GLIS1: variants seen among roughly 807,000 people sequenced by gnomAD.
GLIS1 encodes the protein zinc finger protein GLIS1.
GLIS1 carries 24 observed loss-of-function variants against 63.8 expected under a neutral mutation model. That is an observed-to-expected ratio of 0.38 (90% CI 0.27 to 0.53). The LOEUF (loss-of-function observed/expected upper bound fraction) is 0.53. Ranked by LOEUF, GLIS1 falls within the 20% of genes least tolerant of loss-of-function variation. The probability of loss-of-function intolerance (pLI) is 0.85; values close to 1 mark genes in which losing one functional copy is unlikely to be tolerated. For missense variants in GLIS1, 1,036 were observed against 1,074.1 expected (o/e 0.96, Z 0.50); for synonymous variants, 450 against 482.5 (o/e 0.93, Z 0.88).
intron 2 of GLIS1, among the ~76,000 whole-genome samples, chr1:53,686,184 T>C (rs1186815370): frequency 1.3e-5 from 2 of 152,132 alleles, no homozygotes; most frequent in Admixed American, 1.3e-4. Flanking sequence ...GGAGCGGAGC[T>C]ATGACTGCCC....
intron 2 of GLIS1, among the ~76,000 whole-genome samples, chr1:53,613,629 A>G (rs1376785978): frequency 4.5e-5 from 6 of 133,360 alleles, no homozygotes; most frequent in African/African-American, 1.7e-4. Context: ...GTTATTATGT[A>G]ATTTAAAAAT....
At chr1:53,627,385 C>A (rs1251488100) in intron 2 of GLIS1, among the ~76,000 whole-genome samples, 2 of 152,182 alleles carry the variant, frequency 1.3e-5, no homozygotes, top group African/African-American at 2.4e-5. Context: ...GTTATCTGCG[C>A]TTGTGGAGAT....
intron 2 of GLIS1, among the ~76,000 whole-genome samples, chr1:53,610,003 AACC>A (rs1307929586): frequency 6.6e-6 from 1 of 152,258 alleles, no homozygotes; most frequent in Non-Finnish European, 1.5e-5. Flanking sequence ...CATCTTATAG[AACC>A]ACCATTGTAT....
chr1:53,608,899 C>T (rs952998920), intron 2 of GLIS1, among the ~76,000 whole-genome samples: 3 of 152,148 alleles, frequency 2.0e-5, no homozygotes, highest in Admixed American at 2.0e-4. Flanking sequence ...GACTCTGCCC[C>T]CCTGCATGTG....
intron 4 of GLIS1, among the ~76,000 whole-genome samples, chr1:53,584,977 C>A (rs1217682432): frequency 6.6e-6 from 1 of 152,230 alleles, no homozygotes; most frequent in Admixed American, 6.5e-5. Flanking sequence ...TTGATTTTAT[C>A]TGACATTCTC....
intron 2 of GLIS1, among the ~76,000 whole-genome samples, chr1:53,652,372 T>C (rs1645918445): frequency 6.6e-6 from 1 of 151,996 alleles, no homozygotes; most frequent in African/African-American, 2.4e-5. Flanking sequence ...GAGGCTTAGA[T>C]CTCAGGCCCA....
chr1:53,721,857 C>A (rs1256452588), intron 2 of GLIS1, among the ~76,000 whole-genome samples: 1 of 151,996 alleles, frequency 6.6e-6, no homozygotes, highest in Non-Finnish European at 1.5e-5. Context: ...ATTTCAAAAT[C>A]ATAAAAAACT....
At chr1:53,725,330 A>G (rs867100806) in intron 2 of GLIS1, among the ~76,000 whole-genome samples, 35 of 152,150 alleles carry the variant, frequency 2.3e-4, no homozygotes, top group South Asian at 2.1e-4. Context: ...CCTGTCCTAG[A>G]GTTCCCAATT....
intron 2 of GLIS1, among the ~76,000 whole-genome samples, chr1:53,709,403 T>TATAC (rs1646619991): frequency 1.3e-4 from 2 of 15,146 alleles, no homozygotes; most frequent in Non-Finnish European, 4.2e-4. Context: ...TACATATACA[T>TATAC]ATATATATAC....
At chr1:53,556,928 G>A (rs983383631) in intron 4 of GLIS1, among the ~76,000 whole-genome samples, 2 of 149,132 alleles carry the variant, frequency 1.3e-5, no homozygotes, top group African/African-American at 2.5e-5. Flanking sequence ...GTGTGCAGGT[G>A]TACTGCAGGT....
intron 4 of GLIS1, among the ~76,000 whole-genome samples, chr1:53,537,805 A>C (rs1218810696): frequency 4.6e-5 from 7 of 152,212 alleles, no homozygotes; most frequent in Non-Finnish European, 1.0e-4. Flanking sequence ...CTTCAGTTTT[A>C]GCATTTGCCA....
intron 7 of GLIS1, among the ~76,000 whole-genome samples, chr1:53,517,218 T>C (rs1390733301): frequency 6.6e-6 from 1 of 152,014 alleles, no homozygotes; most frequent in Non-Finnish European, 1.5e-5. Flanking sequence ...ATGGTCTGGA[T>C]ACCCAGCTGA....
intron 2 of GLIS1, among the ~76,000 whole-genome samples, chr1:53,700,179 C>A (rs1024587785): frequency 1.5e-4 from 23 of 152,166 alleles, no homozygotes; most frequent in African/African-American, 5.6e-4. Context: ...GCAAGGCCCT[C>A]GGCCTGGAGG....
chr1:53,525,402 C>T (rs1161115721), intron 5 of GLIS1, among the ~76,000 whole-genome samples: 1 of 4,186 alleles, frequency 2.4e-4, no homozygotes, highest in Non-Finnish European at 4.2e-4. Context: ...AAACCAGGTC[C>T]TCCTGCCAAT....
intron 2 of GLIS1, among the ~76,000 whole-genome samples, chr1:53,623,747 G>A (rs1251557907): frequency 1.3e-5 from 2 of 152,084 alleles, no homozygotes; most frequent in African/African-American, 4.8e-5. Context: ...TATACTAGAG[G>A]AAATAACAGG....
intron 2 of GLIS1, among the ~76,000 whole-genome samples, chr1:53,606,054 TCA>T: frequency 6.6e-6 from 1 of 152,334 alleles, no homozygotes; most frequent in African/African-American, 2.4e-5. Flanking sequence ...CTTCTGAGCC[TCA>T]GTTTCTTCAT....
At chr1:53,693,149 T>C (rs1646426044) in intron 2 of GLIS1, among the ~76,000 whole-genome samples, 2 of 152,178 alleles carry the variant, frequency 1.3e-5, no homozygotes, top group Non-Finnish European at 2.9e-5. Flanking sequence ...TGGCTCCATA[T>C]GTTACACGCA....
chr1:53,709,405 T>TGTATAC (rs1646620204), intron 2 of GLIS1, among the ~76,000 whole-genome samples: 1 of 117,202 alleles, frequency 8.5e-6, no homozygotes, highest in African/African-American at 4.6e-5. Flanking sequence ...CATATACATA[T>TGTATAC]ATATATACAC....
At chr1:53,509,078 C>T (rs368218433) in intron 10 of GLIS1, 42 bp downstream of exon 10, 80 of 1,507,374 alleles carry the variant, frequency 5.3e-5, no homozygotes, top group Middle Eastern at 4.7e-4. Context: ...GGTTGAGCCT[C>T]GGCAGGTGCC....
Sources: allele counts gnomAD v4.1 joint callset (sites outside exome capture counted in the v4.1 genomes callset), GRCh38; gene constraint gnomAD v4.1.1; transcripts MANE v1.5; gene names NCBI Gene and HGNC (gene_info 2026-07-23, HGNC 2026-07-21).